The following NKAIN2 variants were observed in gnomAD, a reference collection of about 807,000 sequenced individuals.
NKAIN2 encodes sodium/potassium transporting ATPase interacting 2.
NKAIN2 carries 14 observed loss-of-function variants against 32.6 expected under a neutral mutation model. That is an observed-to-expected ratio of 0.43 (90% CI 0.28 to 0.67). The LOEUF (loss-of-function observed/expected upper bound fraction) is 0.67, where lower values mean the gene tolerates loss of function less well. Among genes scored for constraint, NKAIN2 ranks in the 30% least tolerant of loss-of-function variants. The pLI is 0.17. For synonymous variants in NKAIN2, 80 were observed against 87.2 expected (o/e 0.92, Z 0.46); for missense variants, 198 against 258.3 (o/e 0.77, Z 1.60).
At chr6:124,007,158 T>G (rs1780112202) in intron 1 of NKAIN2, among the ~76,000 whole-genome samples, 1 of 152,156 alleles carries the variant, frequency 6.6e-6, no homozygotes, top group African/African-American at 2.4e-5. Flanking sequence ...TGTAGGAAAT[T>G]GTAGCACAAA....
At chr6:124,802,771 G>A (rs1420310897) in intron 5 of NKAIN2, among the ~76,000 whole-genome samples, 2 of 152,044 alleles carry the variant, frequency 1.3e-5, no homozygotes, top group Admixed American at 6.6e-5. Flanking sequence ...TTGTTCTACT[G>A]CCTCCCTCTT....
chr6:123,819,784 C>G (rs1159453423), intron 1 of NKAIN2, among the ~76,000 whole-genome samples: 1 of 152,074 alleles, frequency 6.6e-6, no homozygotes, highest in East Asian at 1.9e-4. Flanking sequence ...GTGCCAGTCC[C>G]CAAATTAACT....
At chr6:124,298,238 T>A (rs1267077140) in intron 2 of NKAIN2, among the ~76,000 whole-genome samples, 3 of 152,196 alleles carry the variant, frequency 2.0e-5, no homozygotes, top group Non-Finnish European at 4.4e-5. Context: ...AACTTTTTTT[T>A]AATGTTTTTT....
intron 1 of NKAIN2, among the ~76,000 whole-genome samples, chr6:123,934,676 T>G (rs1776419069): frequency 6.6e-6 from 1 of 152,038 alleles, no homozygotes; most frequent in Admixed American, 6.6e-5. Context: ...CTCTAAAAAA[T>G]AAGCTGGCTT....
At chr6:124,489,542 C>T (rs1777779846) in intron 3 of NKAIN2, among the ~76,000 whole-genome samples, 2 of 151,920 alleles carry the variant, frequency 1.3e-5, no homozygotes, top group South Asian at 4.1e-4. Context: ...GTGCTCAAAA[C>T]ACTTATATCA....
chr6:124,278,888 T>C (rs1049345211), intron 1 of NKAIN2, among the ~76,000 whole-genome samples: 2 of 151,634 alleles, frequency 1.3e-5, no homozygotes, highest in Non-Finnish European at 2.9e-5. Flanking sequence ...AAACTGGAAA[T>C]GAATTAAAGA....
intron 1 of NKAIN2, among the ~76,000 whole-genome samples, chr6:123,943,288 A>C (rs1297060431): frequency 2.6e-5 from 4 of 152,024 alleles, no homozygotes; most frequent in Non-Finnish European, 5.9e-5. Flanking sequence ...TCTTTCCTCA[A>C]ATACTTGAAT....
chr6:124,015,717 A>G (rs1451000152), intron 1 of NKAIN2, among the ~76,000 whole-genome samples: 2 of 152,202 alleles, frequency 1.3e-5, no homozygotes, highest in African/African-American at 2.4e-5. Context: ...ACGTATGCTC[A>G]TCAGTCCAAG....
intron 1 of NKAIN2, among the ~76,000 whole-genome samples, chr6:123,816,739 C>G (rs547206283): frequency 6.6e-6 from 1 of 151,978 alleles, no homozygotes; most frequent in Admixed American, 6.6e-5. Flanking sequence ...GAGGTGGGTA[C>G]AGCAGAAGTG....
At chr6:124,804,843 G>A (rs9388377) in intron 5 of NKAIN2, among the ~76,000 whole-genome samples, 1 of 152,032 alleles carries the variant, frequency 6.6e-6, no homozygotes, top group Admixed American at 6.5e-5. Context: ...GAGATTATAT[G>A]CTGCACCTGG....
intron 1 of NKAIN2, among the ~76,000 whole-genome samples, chr6:123,908,007 C>A (rs938641485): frequency 3.9e-5 from 6 of 152,066 alleles, no homozygotes; most frequent in South Asian, 2.1e-4. Context: ...TTCATATAAA[C>A]AATATATTTA....
chr6:124,659,747 C>CTCA (rs1784678717), intron 4 of NKAIN2, among the ~76,000 whole-genome samples: 5 of 151,872 alleles, frequency 3.3e-5, no homozygotes, highest in Non-Finnish European at 7.4e-5. Flanking sequence ...CATGCTTCTG[C>CTCA]TTGGGAGGAA....
At chr6:124,457,568 A>G (rs1776369914) in intron 3 of NKAIN2, among the ~76,000 whole-genome samples, 1 of 151,954 alleles carries the variant, frequency 6.6e-6, no homozygotes, top group Admixed American at 6.6e-5. Context: ...GCAGAGTTAG[A>G]TCATCTCTAA....
At chr6:124,461,044 A>G (rs1273225047) in intron 3 of NKAIN2, among the ~76,000 whole-genome samples, 1 of 151,674 alleles carries the variant, frequency 6.6e-6, no homozygotes, top group Middle Eastern at 3.2e-3. Context: ...AGCAAAAGAG[A>G]GGTCACTTAT....
chr6:124,564,970 T>TA lies in NKAIN2; in HGVS notation c.274-93211dup. On this transcript the variant is annotated intron_variant, in intron 3 of 6. Coordinates refer to ENST00000368417, the MANE Select transcript of NKAIN2 (RefSeq NM_001040214.3). ...CAGGCTTTTATTGTTTAACAACTAATAAAAACTTTTCACATTTCACCACTC... is the reference window on the plus strand; with the variant it reads ...CAGGCTTTTATTGTTTAACAACTAATAAAAAACTTTTCACATTTCACCACTC... Among the ~76,000 whole-genome samples the TA allele has an allele frequency of 1.3e-5, 2 of 152,280 alleles. 1 individual carries two copies. The highest frequency in any genetic ancestry group is 2.9e-5 in the Non-Finnish European group (2 of 68,022).
intron 1 of NKAIN2, among the ~76,000 whole-genome samples, chr6:124,006,941 A>T (rs1279908487): frequency 6.6e-6 from 1 of 152,210 alleles, no homozygotes; most frequent in Non-Finnish European, 1.5e-5. Context: ...AAGGAAATTT[A>T]GCCATTTAGT....
chr6:124,619,551 C>T (rs1783033193), intron 3 of NKAIN2, among the ~76,000 whole-genome samples: 1 of 152,114 alleles, frequency 6.6e-6, no homozygotes, highest in Non-Finnish European at 1.5e-5. Flanking sequence ...AGTATTTGTG[C>T]TCAGAAACTA....
At chr6:123,959,923 ATATGTGTGTGTGTG>A (rs1384798539) in intron 1 of NKAIN2, among the ~76,000 whole-genome samples, 30 of 124,880 alleles carry the variant, frequency 2.4e-4, no homozygotes, top group Admixed American at 2.2e-3. Flanking sequence ...TGTCTTCCAT[ATATGTGTGTGTGTG>A]TGTGTGTGTG....
At chr6:123,926,591 C>T (rs1776015893) in intron 1 of NKAIN2, among the ~76,000 whole-genome samples, 1 of 152,056 alleles carries the variant, frequency 6.6e-6, no homozygotes, top group African/African-American at 2.4e-5. Flanking sequence ...TTCTTCTCCC[C>T]ACCTGCCTCG....
Sources: allele counts gnomAD v4.1 joint callset (sites outside exome capture counted in the v4.1 genomes callset), GRCh38; gene constraint gnomAD v4.1.1; transcripts MANE v1.5; gene names NCBI Gene and HGNC (gene_info 2026-07-23, HGNC 2026-07-21).